Variants in PAQR3 observed in about 807,000 individuals in gnomAD.
PAQR3 encodes the protein Raf kinase trapping to Golgi.
In PAQR3, 39 loss-of-function variants were observed where a neutral mutation model predicts 41.7. The ratio of observed to expected loss-of-function variants is 0.93; its 90% confidence interval spans 0.72 to 1.22. PAQR3 has a LOEUF of 1.22. PAQR3 is among the 50% of genes most tolerant of loss of function. The pLI, the probability that PAQR3 is intolerant of heterozygous loss-of-function variation, is 0.00. For synonymous variants in PAQR3, 140 were observed against 140.6 expected (o/e 1.00, Z 0.03); for missense variants, 366 against 385.6 (o/e 0.95, Z 0.42).
In PAQR3 at chr4:78,939,387, C is replaced by A; in HGVS notation, c.-163G>T. 2.3e-6 allele frequency: 1 copy of A among 428,474 alleles called. No homozygotes were observed. The highest frequency in any genetic ancestry group is 3.6e-6 in the Non-Finnish European group (1 of 279,350). The allele number at this position is 428,474 out of a possible 1,614,324, so 26.5% of individuals were successfully genotyped here. ...CCAGGGCCCGGCTCTGCGCTCACAC[C>A]GGCCACTGCCGCCAGCGCCGCGGCG... On this transcript the variant is annotated 5_prime_UTR_variant, in exon 1 of 6. Coordinates refer to ENST00000512733, the MANE Select transcript of PAQR3 (RefSeq NM_001040202.2).
chr4:78,901,918 C>T (rs1334970216), intron 11 of PAQR3, among the ~76,000 whole-genome samples: 3 of 152,066 alleles, frequency 2.0e-5, no homozygotes, highest in Non-Finnish European at 2.9e-5. Flanking sequence ...GACCCTAGAC[C>T]CACCTCGTGG....
At chr4:78,929,749 T>C (rs991328714) in intron 3 of PAQR3, among the ~76,000 whole-genome samples, 2 of 152,192 alleles carry the variant, frequency 1.3e-5, no homozygotes, top group African/African-American at 4.8e-5. Context: ...TCCTGTATTT[T>C]TTTTCACTGA....
rs893938936 is a variant in PAQR3 at position 78,921,673 on chromosome 4, G to A, written c.794-992C>T. On this transcript the variant is annotated intron_variant, in intron 5 of 5. Coordinates refer to ENST00000512733, the MANE Select transcript of PAQR3 (RefSeq NM_001040202.2). ...GACCCATCAAATGCCACTGTGTTGT[G>A]TATACATTTTTAAACATTCAACCTG... The A allele has an allele frequency of 3.0e-6, 3 of 984,698 alleles. No individual in the cohort carries two copies. In the African/African-American group the frequency reaches 5.2e-5, roughly 17 times the overall value. 61.0% of individuals were successfully genotyped at this position (984,698 alleles called of 1,614,324 possible). A position where few individuals can be genotyped will look rare whatever the true frequency, so the allele number is the denominator to read the frequency against.
In PAQR3 at chr4:78,914,561, C is replaced by T. The variant is rs1734878247; in HGVS notation, c.*5978G>A. The T allele has an allele frequency of 6.6e-6, 1 of 151,772 alleles. No individual in the cohort carries two copies. The highest frequency in any genetic ancestry group is 2.4e-5 in the African/African-American group (1 of 41,352). The allele number at this position is 151,772 out of a possible 1,614,324, so 9.4% of individuals were successfully genotyped here. ...CACACAGCTGATGCTCAGGTTATTC[C>T]CTTGTGAGAATTATGAGAATAAAGC... On this transcript the variant is annotated 3_prime_UTR_variant, in exon 6 of 6. Coordinates refer to ENST00000512733, the MANE Select transcript of PAQR3 (RefSeq NM_001040202.2).
intron 5 of PAQR3, 184 bp downstream of exon 5, chr4:78,923,673 C>T (rs1284655587): frequency 1.6e-6 from 1 of 610,154 alleles, no homozygotes; most frequent in Non-Finnish European, 2.9e-6. Flanking sequence ...ACTCAACTCA[C>T]ATGATCAGGA....
At chr4:78,887,212 G>A in exon 13 of PAQR3, 1 of 1,611,444 alleles carries the variant, frequency 6.2e-7, no homozygotes. Flanking sequence ...TAAGAATGTA[G>A]ACTCACTTTC....
intron 4 of PAQR3, among the ~76,000 whole-genome samples, chr4:78,924,172 C>T (rs1211581758): frequency 6.6e-6 from 1 of 152,074 alleles, no homozygotes; most frequent in Non-Finnish European, 1.5e-5. Flanking sequence ...CTTTAACATG[C>T]TGAAGTTCCT....
intron 4 of PAQR3, among the ~76,000 whole-genome samples, chr4:78,925,046 T>C (rs1736051125): frequency 6.6e-6 from 1 of 152,156 alleles, no homozygotes. Context: ...CTTTTTAAAA[T>C]AGAGCTTATC....
intron 1 of PAQR3, among the ~76,000 whole-genome samples, chr4:78,937,057 G>T (rs1253593426): frequency 6.6e-6 from 1 of 152,190 alleles, no homozygotes; most frequent in Non-Finnish European, 1.5e-5. Flanking sequence ...AGTATCTTAA[G>T]CATACCCTGA....
chr4:78,928,742 C>T lies in PAQR3; in HGVS notation c.504+1428G>A, dbSNP rs115624953. 7.5e-3 allele frequency among the ~76,000 whole-genome samples: 1,138 copies of T among 152,234 alleles called. 14 individuals carry two copies. Among genetic ancestry groups the T allele is most frequent in the African/African-American group, 0.026 (1,075 of 41,542 alleles). Reference sequence around the variant, plus strand: ...GCGGGGAGGCAGGCAGAGATGGTTTCGGGATAATTCAAGTGCATTACATTT... The same window carrying T: ...GCGGGGAGGCAGGCAGAGATGGTTTTGGGATAATTCAAGTGCATTACATTT... On this transcript the variant is annotated intron_variant, in intron 3 of 5. Transcript: ENST00000512733.
At chr4:78,903,985 C>A (rs1356640232) in intron 11 of PAQR3, among the ~76,000 whole-genome samples, 7 of 151,870 alleles carry the variant, frequency 4.6e-5, no homozygotes, top group Non-Finnish European at 7.4e-5. Flanking sequence ...AGGCAGGTCT[C>A]AGATTTCTTA....
Position 78,920,201 on chromosome 4 carries a change from T to C in PAQR3, c.*338A>G, listed in dbSNP as rs757870516. ...CACATAAGATGACTCCATTTTCTAA[T>C]GGACATGAGCCCTTCCTAAGGAAAT... is the stretch of plus-strand genomic sequence containing the variant. On this transcript the variant is annotated 3_prime_UTR_variant, in exon 6 of 6. Transcript: ENST00000512733. 7.8e-5 allele frequency: 79 copies of C among 1,012,356 alleles called. 1 individual carries two copies. Among genetic ancestry groups the C allele is most frequent in the Admixed American group, 3.5e-4 (6 of 17,134 alleles). 62.7% of individuals were successfully genotyped at this position (1,012,356 alleles called of 1,614,324 possible).
intron 5 of PAQR3, among the ~76,000 whole-genome samples, chr4:78,923,231 C>T (rs1195420641): frequency 6.6e-6 from 1 of 151,958 alleles, no homozygotes; most frequent in Admixed American, 6.6e-5. Context: ...GTGCTGGGTG[C>T]CAGGAAGCCT....
intron 11 of PAQR3, among the ~76,000 whole-genome samples, chr4:78,900,511 A>C (rs903630073): frequency 2.0e-5 from 3 of 152,158 alleles, no homozygotes; most frequent in Non-Finnish European, 2.9e-5. Flanking sequence ...AAGACATAAA[A>C]ATTTTTCTCC....
rs551308707 is a variant in PAQR3, at chr4:78,925,032, C to A, written c.703-1085G>T. 4.6e-5 allele frequency among the ~76,000 whole-genome samples: 7 copies of A among 152,194 alleles called. No homozygotes were observed. The South Asian group carries it at 1.4e-3, about 32-fold the overall frequency. ...TAACTTTGTTAAAGTGCCTGTCTTT[C>A]CATCTTTTTAAAATAGAGCTTATCA... On this transcript the variant is annotated intron_variant, in intron 4 of 5. Transcript: ENST00000512733.
Position 78,913,401 on chromosome 4 carries a change from A to AT in PAQR3, c.*7137dup, listed in dbSNP as rs1278924777. 4 of 152,176 alleles carry AT rather than the reference A, an allele frequency of 2.6e-5. No homozygotes were observed. The highest frequency in any genetic ancestry group is 5.9e-5 in the Non-Finnish European group (4 of 68,004). 9.4% of individuals were successfully genotyped at this position (152,176 alleles called of 1,614,324 possible). ...TTATAGAAATCATTTAATGATAGAG[A>AT]TTACATATGTGAATTAATGTGAATA... On this transcript the variant is annotated 3_prime_UTR_variant, in exon 6 of 6. Coordinates refer to ENST00000512733, the MANE Select transcript of PAQR3 (RefSeq NM_001040202.2).
chr4:78,898,740 T>G (rs1733843792), intron 11 of PAQR3: 1 of 151,424 alleles, frequency 6.6e-6, no homozygotes, highest in Admixed American at 6.6e-5. Context: ...GAGAAATAAC[T>G]TTATATGTAT....
chr4:78,922,091 C>A, intron 5 of PAQR3: 1 of 1,033,348 alleles, frequency 9.7e-7, no homozygotes, highest in Non-Finnish European at 1.2e-6. Flanking sequence ...AAAGAAAATA[C>A]AGAATTTTAA....
chr4:78,939,226 G>A lies in PAQR3; in HGVS notation c.-2C>T. ...GCTCTTCAGCAGCTTCTGATGCATC[G>A]TTCCCGGCCGCCGCCGCTCCCCGGC... On this transcript the variant is annotated 5_prime_UTR_variant, in exon 1 of 6. It adds an upstream start codon to the 5' untranslated region. Coordinates refer to ENST00000512733, the MANE Select transcript of PAQR3 (RefSeq NM_001040202.2). 6.3e-7 allele frequency: 1 copy of A among 1,577,244 alleles called. No homozygotes were observed. Among genetic ancestry groups the A allele is most frequent in the Non-Finnish European group, 8.6e-7 (1 of 1,164,558 alleles).
Sources: gnomAD v4.1 joint callset for allele counts (sites outside exome capture counted in the v4.1 genomes callset) on GRCh38, gnomAD v4.1.1 for gene constraint, MANE v1.5 for transcripts, NCBI Gene and HGNC (gene_info 2026-07-23, HGNC 2026-07-21) for gene names.